The following EYA2 variants were observed in gnomAD, a reference collection of about 807,000 sequenced individuals.
EYA2 encodes the protein protein phosphatase EYA2.
In EYA2, 31 loss-of-function variants were observed where a neutral mutation model predicts 69.2. That is an observed-to-expected ratio of 0.45 (90% CI 0.34 to 0.60). The LOEUF (loss-of-function observed/expected upper bound fraction) is 0.60, where lower values mean the gene tolerates loss of function less well. EYA2 is among the 20% of genes least tolerant of loss of function. The pLI is 0.02. For missense variants in EYA2, 622 were observed against 701.2 expected (o/e 0.89, Z 1.28); for synonymous variants, 257 against 279.4 (o/e 0.92, Z 0.80).
intron 1 of EYA2, among the ~76,000 whole-genome samples, chr20:46,971,712 T>A (rs1048396545): frequency 1.3e-5 from 2 of 152,242 alleles, no homozygotes; most frequent in Admixed American, 6.5e-5. Flanking sequence ...TTTCACATTA[T>A]ATGTTGCTCT....
intron 5 of EYA2, among the ~76,000 whole-genome samples, chr20:47,026,231 A>G (rs1468595144): frequency 6.6e-6 from 1 of 152,244 alleles, no homozygotes; most frequent in Non-Finnish European, 1.5e-5. Flanking sequence ...CTAGTTAGCC[A>G]TCTGGAGAAA....
chr20:47,025,776 T>TC (rs1231723869), intron 5 of EYA2, among the ~76,000 whole-genome samples: 1 of 152,122 alleles, frequency 6.6e-6, no homozygotes, highest in African/African-American at 2.4e-5. Flanking sequence ...CCATTTACAC[T>TC]CCCCCCAGCA....
At chr20:47,157,820 C>T (rs1017252027) in intron 10 of EYA2, among the ~76,000 whole-genome samples, 1 of 151,992 alleles carries the variant, frequency 6.6e-6, no homozygotes, top group African/African-American at 2.4e-5. Context: ...CCAGGTCCCA[C>T]TGGTTTTAAA....
intron 3 of EYA2, among the ~76,000 whole-genome samples, chr20:47,002,921 G>A (rs145591249): frequency 7.2e-5 from 11 of 152,198 alleles, no homozygotes; most frequent in Non-Finnish European, 1.5e-4. Flanking sequence ...AAGAAAGAAG[G>A]GCATAGGGAC....
At chr20:47,050,406 C>G (rs1045375814) in intron 5 of EYA2, among the ~76,000 whole-genome samples, 4 of 152,146 alleles carry the variant, frequency 2.6e-5, no homozygotes, top group African/African-American at 9.7e-5. Context: ...TGAATAACCT[C>G]CAAATTTTAA....
intron 4 of EYA2, among the ~76,000 whole-genome samples, chr20:47,013,441 A>G (rs1983204394): frequency 1.3e-5 from 2 of 152,164 alleles, no homozygotes; most frequent in African/African-American, 4.8e-5. Context: ...AAAATGGACA[A>G]TGTAGGTACC....
chr20:46,904,446 T>C (rs541429341), intron 1 of EYA2, among the ~76,000 whole-genome samples: 1 of 152,258 alleles, frequency 6.6e-6, no homozygotes, highest in South Asian at 2.1e-4. Flanking sequence ...AGCCAGACTT[T>C]GGGCTCAGAC....
chr20:47,056,824 T>G (rs867646822), intron 5 of EYA2, among the ~76,000 whole-genome samples: 9 of 152,016 alleles, frequency 5.9e-5, no homozygotes, highest in African/African-American at 2.2e-4. Flanking sequence ...GCGGGCAGAT[T>G]GCTTGAGCCC....
At chr20:47,174,532 C>G (rs1019165337) in intron 12 of EYA2, among the ~76,000 whole-genome samples, 1 of 152,206 alleles carries the variant, frequency 6.6e-6, no homozygotes. Context: ...CCTGCGTCTT[C>G]TACTGTCCCT....
At chr20:47,011,525 C>T (rs1355963009) in intron 4 of EYA2, among the ~76,000 whole-genome samples, 1 of 152,176 alleles carries the variant, frequency 6.6e-6, no homozygotes, top group Non-Finnish European at 1.5e-5. Flanking sequence ...ACCCTTACCC[C>T]ACTCCAGCCT....
chr20:46,982,795 TAG>T lies in EYA2; in HGVS notation c.-10-7203_-10-7202del, dbSNP rs1980923043. 2.8e-5 allele frequency among the ~76,000 whole-genome samples: 4 copies of T among 141,590 alleles called. No homozygotes were observed. The South Asian group carries it at 8.9e-4, about 31-fold the overall frequency. The allele number at this position is 141,590 out of a possible 152,430, so 92.9% of individuals were successfully genotyped here. ...ATTTCCTTTTTTTTTTTTTTTGAGATAGAGTTTTGCTTGTGTCACCCAGGCTG... is the reference window on the plus strand; with the variant it reads ...ATTTCCTTTTTTTTTTTTTTTGAGATAGTTTTGCTTGTGTCACCCAGGCTG... On this transcript the variant is annotated intron_variant, in intron 1 of 15. Coordinates refer to ENST00000327619, the MANE Select transcript of EYA2 (RefSeq NM_005244.5).
chr20:47,173,691 G>A (rs1038310074), intron 12 of EYA2, among the ~76,000 whole-genome samples: 2 of 152,076 alleles, frequency 1.3e-5, no homozygotes, highest in African/African-American at 4.8e-5. Flanking sequence ...CCAAGTAGCT[G>A]GGATTAGAGG....
At chr20:46,897,443 A>AT (rs1410038744) in intron 1 of EYA2, among the ~76,000 whole-genome samples, 32 of 152,288 alleles carry the variant, frequency 2.1e-4, no homozygotes, top group African/African-American at 7.5e-4. Context: ...CCGTTTCCTT[A>AT]TTTTTTCAGT....
intron 5 of EYA2, among the ~76,000 whole-genome samples, chr20:47,064,201 C>A (rs1431104361): frequency 6.6e-6 from 1 of 152,220 alleles, no homozygotes; most frequent in African/African-American, 2.4e-5. Context: ...AAGTGATCCA[C>A]CCTCCTCAGC....
chr20:46,954,640 A>C (rs564840498), intron 1 of EYA2, among the ~76,000 whole-genome samples: 2 of 152,216 alleles, frequency 1.3e-5, no homozygotes, highest in Non-Finnish European at 2.9e-5. Flanking sequence ...CAACATAAAC[A>C]GATGCTCCTT....
At chr20:46,898,423 A>C (rs942727131) in intron 1 of EYA2, among the ~76,000 whole-genome samples, 7 of 142,434 alleles carry the variant, frequency 4.9e-5, no homozygotes, top group African/African-American at 1.5e-4. Flanking sequence ...ACACACACAC[A>C]CCACAATTCT....
intron 9 of EYA2, among the ~76,000 whole-genome samples, chr20:47,115,161 A>G (rs548339163): frequency 2.0e-5 from 3 of 152,160 alleles, no homozygotes; most frequent in South Asian, 4.1e-4. Flanking sequence ...CCACCTCCCA[A>G]CTGCCCACCA....
intron 1 of EYA2, among the ~76,000 whole-genome samples, chr20:46,955,686 A>G (rs1411025210): frequency 6.6e-6 from 1 of 152,262 alleles, no homozygotes; most frequent in Admixed American, 6.5e-5. Flanking sequence ...ATCAGATTTT[A>G]CACACCACAA....
At chr20:47,133,452 A>T (rs2033389868) in intron 9 of EYA2, among the ~76,000 whole-genome samples, 1 of 152,222 alleles carries the variant, frequency 6.6e-6, no homozygotes, top group African/African-American at 2.4e-5. Flanking sequence ...GCTCATTCTC[A>T]GAGAGATTGG....
Sources: allele counts gnomAD v4.1 joint callset (sites outside exome capture counted in the v4.1 genomes callset), GRCh38; gene constraint gnomAD v4.1.1; transcripts MANE v1.5; gene names NCBI Gene and HGNC (gene_info 2026-07-23, HGNC 2026-07-21).